The following CACNA2D3 variants were observed in gnomAD, a reference collection of about 807,000 sequenced individuals.
The protein encoded by CACNA2D3 is voltage-dependent calcium channel subunit alpha-2/delta-3.
In CACNA2D3, 60 loss-of-function variants were observed where a neutral mutation model predicts 160.6. The observed-to-expected ratio is 0.37, with a 90% CI of 0.30 to 0.46. The LOEUF is 0.46. CACNA2D3 is among the 20% of genes least tolerant of loss of function. The pLI, the probability that CACNA2D3 is intolerant of heterozygous loss-of-function variation, is 1.00. For synonymous variants in CACNA2D3, 558 were observed against 492.9 expected (o/e 1.13, Z -1.75); for missense variants, 1,205 against 1,365.0 (o/e 0.88, Z 1.85).
At chr3:54,341,422 T>C (rs553679505) in intron 3 of CACNA2D3, among the ~76,000 whole-genome samples, 1 of 152,258 alleles carries the variant, frequency 6.6e-6, no homozygotes, top group South Asian at 2.1e-4. Context: ...TGGGAAGCTG[T>C]GCAGAGAGAC....
intron 2 of CACNA2D3, among the ~76,000 whole-genome samples, chr3:54,298,737 G>T (rs753760609): frequency 2.6e-5 from 4 of 152,108 alleles, no homozygotes; most frequent in Non-Finnish European, 4.4e-5. Flanking sequence ...AGCCTGGGAA[G>T]ATTGAGGCTG....
chr3:54,584,831 T>C (rs1607755), intron 9 of CACNA2D3, among the ~76,000 whole-genome samples: 46,506 of 152,030 alleles, frequency 0.31, 7,807 homozygotes, highest in South Asian at 0.43. Context: ...AGATTTCTCA[T>C]ATGAAATCAT....
At chr3:54,560,069 A>T (rs183164509) in intron 5 of CACNA2D3, among the ~76,000 whole-genome samples, 5 of 152,224 alleles carry the variant, frequency 3.3e-5, no homozygotes, top group African/African-American at 1.2e-4. Flanking sequence ...TCTTTATAAT[A>T]GACTGATTTA....
chr3:54,975,261 G>A (rs1449986431), intron 29 of CACNA2D3, among the ~76,000 whole-genome samples: 1 of 152,182 alleles, frequency 6.6e-6, no homozygotes. Flanking sequence ...GCTCACACCT[G>A]TAATCCCAGC....
intron 11 of CACNA2D3, among the ~76,000 whole-genome samples, chr3:54,672,724 A>G (rs1353310963): frequency 6.6e-6 from 1 of 152,216 alleles, no homozygotes; most frequent in East Asian, 1.9e-4. Flanking sequence ...GACCTTGTGC[A>G]AGACACATAA....
intron 14 of CACNA2D3, among the ~76,000 whole-genome samples, chr3:54,835,142 T>A (rs946779567): frequency 2.0e-5 from 3 of 152,172 alleles, no homozygotes; most frequent in African/African-American, 7.2e-5. Context: ...ACCAGGAGAT[T>A]CTTGCTTCAT....
At chr3:55,009,748 A>G (rs1344900596) in intron 34 of CACNA2D3, among the ~76,000 whole-genome samples, 1 of 152,234 alleles carries the variant, frequency 6.6e-6, no homozygotes, top group Non-Finnish European at 1.5e-5. Flanking sequence ...ATGCTGAAAT[A>G]GAAGGGAGAC....
intron 5 of CACNA2D3, among the ~76,000 whole-genome samples, chr3:54,512,221 G>A (rs1355807720): frequency 2.0e-5 from 3 of 152,106 alleles, no homozygotes; most frequent in Admixed American, 6.5e-5. Flanking sequence ...AGGGTGTGTG[G>A]TATGAATGTG....
chr3:54,842,944 C>G (rs1158217873), intron 16 of CACNA2D3, among the ~76,000 whole-genome samples: 1 of 151,214 alleles, frequency 6.6e-6, no homozygotes, highest in Non-Finnish European at 1.5e-5. Flanking sequence ...GGAAAGAGAA[C>G]TACCTAGGGT....
At chr3:54,689,502 A>G (rs966233487) in intron 11 of CACNA2D3, among the ~76,000 whole-genome samples, 3 of 152,054 alleles carry the variant, frequency 2.0e-5, no homozygotes, top group African/African-American at 7.2e-5. Flanking sequence ...CTGGATGTCT[A>G]ATGGGCATCT....
At position 54,763,824 on chromosome 3, in the gene CACNA2D3, CGT is replaced by C. The variant is rs1491444680; in HGVS notation, c.1247-393_1247-392del. Among the ~76,000 whole-genome samples the C allele has an allele frequency of 3.8e-4, 26 of 67,766 alleles. 9 individuals carry two copies. The highest frequency in any genetic ancestry group is 7.5e-4 in the East Asian group (2 of 2,654). The allele number at this position is 67,766 out of a possible 152,430, so 44.5% of individuals were successfully genotyped here. A position where few individuals can be genotyped will look rare whatever the true frequency, so the allele number is the denominator to read the frequency against. ...GTACATATATATACATATATATATA[CGT>C]ATATATATGTATATATATGTACATA... On this transcript the variant is annotated intron_variant, in intron 12 of 37. Transcript: ENST00000474759.
chr3:54,757,363 G>T (rs1235987399), intron 12 of CACNA2D3, among the ~76,000 whole-genome samples: 1 of 152,098 alleles, frequency 6.6e-6, no homozygotes, highest in Admixed American at 6.5e-5. Flanking sequence ...AGAACTGGTG[G>T]CCTGAGACTT....
At chr3:54,958,159 A>G (rs1359030077) in intron 27 of CACNA2D3, among the ~76,000 whole-genome samples, 1 of 152,224 alleles carries the variant, frequency 6.6e-6, no homozygotes, top group Non-Finnish European at 1.5e-5. Flanking sequence ...ATAATATAAA[A>G]TGTCATTTAA....
At chr3:54,197,603 C>T (rs1277144785) in intron 2 of CACNA2D3, 1 of 152,176 alleles carries the variant, frequency 6.6e-6, no homozygotes, top group East Asian at 1.9e-4. Flanking sequence ...AGGTAAAATT[C>T]CTTCCCTGAG....
chr3:54,331,828 T>C (rs560685098), intron 3 of CACNA2D3, among the ~76,000 whole-genome samples: 97 of 152,342 alleles, frequency 6.4e-4, no homozygotes, highest in African/African-American at 2.0e-3. Flanking sequence ...TTTGTTTTGT[T>C]GTCTGTTTTC....
intron 3 of CACNA2D3, among the ~76,000 whole-genome samples, chr3:54,332,012 G>GA (rs1475155932): frequency 6.6e-6 from 1 of 152,196 alleles, no homozygotes; most frequent in African/African-American, 2.4e-5. Flanking sequence ...AGAAGGGGAT[G>GA]AAAAATGCTC....
At chr3:54,247,587 A>G (rs900144460) in intron 2 of CACNA2D3, among the ~76,000 whole-genome samples, 1 of 152,206 alleles carries the variant, frequency 6.6e-6, no homozygotes, top group African/African-American at 2.4e-5. Context: ...AATATAAAAA[A>G]TAGGAACATT....
At chr3:54,698,805 G>T (rs1172143978) in intron 11 of CACNA2D3, among the ~76,000 whole-genome samples, 3 of 152,082 alleles carry the variant, frequency 2.0e-5, no homozygotes, top group Admixed American at 2.0e-4. Flanking sequence ...TTTATAAATT[G>T]GTGCATGGGC....
In CACNA2D3 at chr3:54,880,842, G is replaced by A; in HGVS notation, c.1891G>A (p.Gly631Arg). The A allele has an allele frequency of 1.2e-6, 2 of 1,613,840 alleles. No individual in the cohort carries two copies. Among genetic ancestry groups the A allele is most frequent in the Non-Finnish European group, 1.7e-6 (2 of 1,179,792 alleles). ...SRGHGKYFFR[G>R]NVTIEEGLHD... ...AGGTCATGGGAAATATTTCTTCCGA[G>A]GGAATGTAACCATCGAAGAAGGTAA... Residue 631 changes from glycine (G) to arginine (R), a missense_variant, in exon 21 of 38, where the codon GGG becomes AGG. Physicochemically the swap from Gly to Arg is moderately radical, Grantham distance 125. Around this residue, in one of 3 missense-constraint regions of CACNA2D3, gnomAD observed 911 missense variants for 1,002.2 expected, o/e 0.91. Coordinates refer to ENST00000474759, the MANE Select transcript of CACNA2D3 (RefSeq NM_018398.3).
Sources: gnomAD v4.1 joint callset for allele counts (sites outside exome capture counted in the v4.1 genomes callset) on GRCh38, gnomAD v4.1.1 for gene constraint, gnomAD v4.1.1 regional missense constraint, MANE v1.5 for transcripts, NCBI Gene and HGNC (gene_info 2026-07-23, HGNC 2026-07-21) for gene names.